Variants in NAMPT observed in about 807,000 individuals in gnomAD.
The protein encoded by NAMPT is NAmPRTase.
A neutral mutation model predicts 58.7 loss-of-function variants in NAMPT; 7 were observed. That is an observed-to-expected ratio of 0.12 (90% CI 0.07 to 0.22). The LOEUF is 0.22. NAMPT is among the 10% of genes least tolerant of loss of function. The pLI is 1.00. For missense variants in NAMPT, 271 were observed against 567.9 expected (o/e 0.48, Z 5.31); for synonymous variants, 145 against 198.1 (o/e 0.73, Z 2.25).
At chr7:106,270,556 C>T (rs1433511580) in intron 4 of NAMPT, among the ~76,000 whole-genome samples, 2 of 152,182 alleles carry the variant, frequency 1.3e-5, no homozygotes, top group Non-Finnish European at 1.5e-5. Context: ...TCCCTTGAGT[C>T]TGTGCTGTCC....
At chr7:106,252,157 A>G (rs1792115085) in intron 10 of NAMPT, among the ~76,000 whole-genome samples, 2 of 152,080 alleles carry the variant, frequency 1.3e-5, no homozygotes, top group Non-Finnish European at 2.9e-5. Flanking sequence ...GTGTCTTTTA[A>G]AAATCACACT....
intron 1 of NAMPT, among the ~76,000 whole-genome samples, chr7:106,279,090 C>T (rs1308461410): frequency 2.0e-5 from 3 of 152,158 alleles, no homozygotes; most frequent in Non-Finnish European, 4.4e-5. Flanking sequence ...ACAAATACAG[C>T]TCCAGTTCTG....
chr7:106,276,908 C>A, intron 2 of NAMPT, 115 bp downstream of exon 2: 2 of 834,982 alleles, frequency 2.4e-6, no homozygotes, highest in Non-Finnish European at 3.8e-6. Flanking sequence ...AAACACACAC[C>A]AAATTATATG....
intron 10 of NAMPT, among the ~76,000 whole-genome samples, chr7:106,252,007 C>T (rs996689591): frequency 9.9e-5 from 15 of 152,024 alleles, no homozygotes; most frequent in Non-Finnish European, 2.1e-4. Context: ...TGCTTCAAAC[C>T]ACAGTGCTTT....
chr7:106,284,942 G>T lies in NAMPT; in HGVS notation c.-58C>A, dbSNP rs1373023789. ...AGCTCCCTGGCGCGGCTGCGAGGAAGGAGAAAAATGAGCTTCACCGCGCTC... is the reference window on the plus strand; with the variant it reads ...AGCTCCCTGGCGCGGCTGCGAGGAATGAGAAAAATGAGCTTCACCGCGCTC... On this transcript the variant is annotated 5_prime_UTR_variant, in exon 1 of 11. Coordinates refer to ENST00000222553, the MANE Select transcript of NAMPT (RefSeq NM_005746.3). 5.2e-6 allele frequency: 8 copies of T among 1,553,268 alleles called. No homozygotes were observed. The highest frequency in any genetic ancestry group is 7.0e-6 in the Non-Finnish European group (8 of 1,146,672).
intron 8 of NAMPT, among the ~76,000 whole-genome samples, chr7:106,256,156 C>T (rs1299799357): frequency 2.0e-5 from 3 of 152,144 alleles, no homozygotes; most frequent in African/African-American, 7.2e-5. Context: ...ATAAATCACT[C>T]CAATAGAAGT....
chr7:106,280,096 T>C (rs1792732162), intron 1 of NAMPT, among the ~76,000 whole-genome samples: 1 of 152,168 alleles, frequency 6.6e-6, no homozygotes, highest in African/African-American at 2.4e-5. Flanking sequence ...GGGGTGAATA[T>C]GACATGATTC....
At chr7:106,272,929 T>C (rs908410745) in intron 3 of NAMPT, among the ~76,000 whole-genome samples, 2 of 152,072 alleles carry the variant, frequency 1.3e-5, no homozygotes, top group African/African-American at 4.8e-5. Flanking sequence ...GGCAGAAAAT[T>C]CCAAACTCAT....
intron 6 of NAMPT, among the ~76,000 whole-genome samples, chr7:106,267,623 C>A (rs185075700): frequency 6.6e-6 from 1 of 151,752 alleles, no homozygotes; most frequent in East Asian, 1.9e-4. Context: ...AGGCGGATCA[C>A]GAGGTCAGGA....
intron 6 of NAMPT, among the ~76,000 whole-genome samples, chr7:106,265,619 T>C (rs1354673149): frequency 6.6e-6 from 1 of 150,742 alleles, no homozygotes; most frequent in Non-Finnish European, 1.5e-5. Flanking sequence ...AGTATCTGTA[T>C]CTTAGCCTCT....
intron 1 of NAMPT, among the ~76,000 whole-genome samples, chr7:106,278,212 C>G (rs965126657): frequency 6.6e-6 from 1 of 151,558 alleles, no homozygotes; most frequent in Non-Finnish European, 1.5e-5. Context: ...AAACTTGGCT[C>G]TATCCTCAAG....
chr7:106,274,489 T>C (rs1403843408), intron 3 of NAMPT, among the ~76,000 whole-genome samples: 1 of 152,138 alleles, frequency 6.6e-6, no homozygotes, highest in African/African-American at 2.4e-5. Context: ...CAAAAGGATA[T>C]ATAATGGCTA....
chr7:106,283,629 A>G (rs893780022), intron 1 of NAMPT, among the ~76,000 whole-genome samples: 4 of 152,212 alleles, frequency 2.6e-5, no homozygotes, highest in African/African-American at 9.6e-5. Context: ...ATACTTGACA[A>G]TATTCAAGAA....
chr7:106,278,401 TTAAGTCAAGCA>T (rs1792693038), intron 1 of NAMPT, among the ~76,000 whole-genome samples: 1 of 152,070 alleles, frequency 6.6e-6, no homozygotes, highest in Non-Finnish European at 1.5e-5. Context: ...ATCTGAGAGT[TTAAGTCAAGCA>T]GGAGACTTGG....
At chr7:106,269,104 C>G (rs1586020791) in intron 5 of NAMPT, 50 bp downstream of exon 5, 1 of 1,538,086 alleles carries the variant, frequency 6.5e-7, no homozygotes, top group South Asian at 1.2e-5. Flanking sequence ...CAGTGGTACT[C>G]TAACCAACAA....
At chr7:106,253,448 G>A in intron 9 of NAMPT, 1 of 290,316 alleles carries the variant, frequency 3.4e-6, no homozygotes, top group Non-Finnish European at 6.6e-6. Flanking sequence ...GACCCTTAAG[G>A]TATCTCTTTA....
chr7:106,251,760 TTC>T (rs1162995202), intron 10 of NAMPT, among the ~76,000 whole-genome samples: 7 of 152,180 alleles, frequency 4.6e-5, no homozygotes, highest in Admixed American at 4.6e-4. Context: ...GGGTTAAAGA[TTC>T]TGTTTATACT....
intron 1 of NAMPT, among the ~76,000 whole-genome samples, chr7:106,280,207 C>G (rs1792734883): frequency 6.6e-6 from 1 of 151,946 alleles, no homozygotes; most frequent in South Asian, 2.1e-4. Context: ...GAGAATTTGC[C>G]CAGTGTTTTT....
At chr7:106,279,698 A>G (rs1792722659) in intron 1 of NAMPT, among the ~76,000 whole-genome samples, 1 of 152,242 alleles carries the variant, frequency 6.6e-6, no homozygotes, top group Non-Finnish European at 1.5e-5. Context: ...GAGGATGAGA[A>G]AGTAAATAGA....
Sources: gnomAD v4.1 joint callset for allele counts (sites outside exome capture counted in the v4.1 genomes callset) on GRCh38, gnomAD v4.1.1 for gene constraint, MANE v1.5 for transcripts, NCBI Gene and HGNC (gene_info 2026-07-23, HGNC 2026-07-21) for gene names.